Variants in SLC66A2 observed in about 807,000 individuals in gnomAD.
The protein encoded by SLC66A2 is PQ loop repeat containing 1.
Under a neutral mutation model 25.5 loss-of-function variants are expected in SLC66A2, and 23 were observed. The ratio of observed to expected loss-of-function variants is 0.90; its 90% CI spans 0.65 to 1.28. SLC66A2 has a LOEUF of 1.28. Ranked by LOEUF, SLC66A2 falls within the 50% of genes most tolerant of loss-of-function variation. SLC66A2 has a pLI of 0.00. For synonymous variants in SLC66A2, 193 were observed against 166.5 expected, an observed-to-expected ratio of 1.16 and a Z score of -1.23; for missense variants, 396 against 373.1, an observed-to-expected ratio of 1.06 and a Z score of -0.51.
At position 79,902,807 on chromosome 18, in the gene SLC66A2, C is replaced by G. The variant is rs941850253; in HGVS notation, c.*1169G>C. The G allele has an allele frequency of 6.6e-6, 1 of 152,560 alleles. No individual in the cohort carries two copies. Among genetic ancestry groups the G allele is most frequent in the East Asian group, 1.9e-4 (1 of 5,196 alleles). 9.5% of individuals were successfully genotyped at this position (152,560 alleles called of 1,614,324 possible). A position where few individuals can be genotyped will look rare whatever the true frequency, so the allele number is the denominator to read the frequency against. ...GGGGCCGGCTGCGGTCAGTGCAAGGCTGCTGACATGGTGTGACCTCTTGCA... is the reference window on the plus strand; with the variant it reads ...GGGGCCGGCTGCGGTCAGTGCAAGGGTGCTGACATGGTGTGACCTCTTGCA... On this transcript the variant is annotated 3_prime_UTR_variant, in exon 6 of 6. Coordinates refer to ENST00000397778, the MANE Select transcript of SLC66A2 (RefSeq NM_025078.5).
At chr18:79,906,055 G>A (rs910686739) in intron 5 of SLC66A2, among the ~76,000 whole-genome samples, 3 of 152,174 alleles carry the variant, frequency 2.0e-5, no homozygotes, top group African/African-American at 7.2e-5. Context: ...AAATGTATGG[G>A]CATGAGGTTG....
rs190400986 is a variant in SLC66A2 at position 79,919,061 on chromosome 18, C to T, written c.608+123G>A. On this transcript the variant is annotated intron_variant, in intron 5 of 5. Transcript: ENST00000397778. ...TATAAACCTGCTATTCTTTAACCGG[C>T]AGCTTCACAGGTCAACGTGGGAAAT... 180 of 873,518 alleles carry T rather than the reference C, an allele frequency of 2.1e-4. 1 individual carries two copies. The highest frequency in any genetic ancestry group is 2.9e-4 in the Non-Finnish European group (164 of 562,364). The allele number at this position is 873,518 out of a possible 1,614,324, so 54.1% of individuals were successfully genotyped here.
intron 4 of SLC66A2, among the ~76,000 whole-genome samples, chr18:79,933,317 C>T (rs1986754298): frequency 6.6e-6 from 1 of 152,112 alleles, no homozygotes; most frequent in Admixed American, 6.5e-5. Context: ...ATGGAAAATC[C>T]ATTAACTAAC....
At chr18:79,922,940 CA>C (rs1223550198) in intron 4 of SLC66A2, among the ~76,000 whole-genome samples, 1 of 151,462 alleles carries the variant, frequency 6.6e-6, no homozygotes, top group Admixed American at 6.6e-5. Flanking sequence ...GCAGTGAGGG[CA>C]GGGGTGGCCA....
rs1476108727 is a variant in SLC66A2, at chr18:79,927,697, G to A, written c.391+6272C>T. ...CCAGTGAGTGGGACAGGCTGAGTGG[G>A]GACTGAGCACGTCTAGGGCCAGAGT... is the stretch of plus-strand genomic sequence containing the variant. On this transcript the variant is annotated intron_variant, in intron 4 of 5. Transcript: ENST00000397778. This position sits in a 1 kb window ranked among gnomAD's most constrained non-coding sequence, Gnocchi z 6.2. 6.6e-6 allele frequency among the ~76,000 whole-genome samples: 1 copy of A among 152,120 alleles called. No individual in the cohort carries two copies. The highest frequency in any genetic ancestry group is 1.5e-5 in the Non-Finnish European group (1 of 68,006).
chr18:79,938,709 C>G (rs918610966), intron 3 of SLC66A2, among the ~76,000 whole-genome samples: 2 of 152,182 alleles, frequency 1.3e-5, no homozygotes, highest in African/African-American at 4.8e-5. Flanking sequence ...TGGAGTCTCA[C>G]CCTGTGGCCC....
intron 5 of SLC66A2, among the ~76,000 whole-genome samples, chr18:79,914,744 C>T (rs1983739992): frequency 6.6e-6 from 1 of 152,254 alleles, no homozygotes; most frequent in South Asian, 2.1e-4. Flanking sequence ...GGAAGGTGGG[C>T]AGGGCCCACA....
intron 2 of SLC66A2, chr18:79,943,800 G>A (rs758953513): frequency 4.0e-4 from 64 of 161,828 alleles, no homozygotes; most frequent in South Asian, 2.1e-3. Context: ...ATCCTGTGTC[G>A]GGAGGGAGGC....
chr18:79,926,598 C>T lies in SLC66A2; in HGVS notation c.392-7198G>A, dbSNP rs549966998. Among the ~76,000 whole-genome samples the T allele has an allele frequency of 5.3e-5, 8 of 152,266 alleles. No individual in the cohort carries two copies. In the South Asian group the frequency reaches 1.7e-3, roughly 32 times the overall value. On this transcript the variant is annotated intron_variant, in intron 4 of 5. Coordinates refer to ENST00000397778, the MANE Select transcript of SLC66A2 (RefSeq NM_025078.5). ...CCCCAGAGCCACAGGGTGCCTTTCA[C>T]CAGGCTACGGAGCCTCCTGGGCCAC...
At chr18:79,909,297 C>T (rs1002658211) in intron 5 of SLC66A2, among the ~76,000 whole-genome samples, 1 of 152,204 alleles carries the variant, frequency 6.6e-6, no homozygotes, top group African/African-American at 2.4e-5. Context: ...TCCACAATGA[C>T]ACTGAGTTCA....
chr18:79,926,614 C>T (rs1450976255), intron 4 of SLC66A2, among the ~76,000 whole-genome samples: 1 of 152,110 alleles, frequency 6.6e-6, no homozygotes, highest in Non-Finnish European at 1.5e-5. Flanking sequence ...TACGGAGCCT[C>T]CTGGGCCACA....
At chr18:79,942,595 C>A (rs1337262349) in intron 3 of SLC66A2, among the ~76,000 whole-genome samples, 1 of 152,150 alleles carries the variant, frequency 6.6e-6, no homozygotes, top group Admixed American at 6.5e-5. Context: ...TCTCTCAAAG[C>A]CAAAGTGAGT....
At position 79,940,357 on chromosome 18, in the gene SLC66A2, C is replaced by T. The variant is rs1987548993; in HGVS notation, c.337+2972G>A. ...GTGGGTCACGCCCGTAATGCCAGCA[C>T]TTCGGGAGGCCAAGGTGGGTGGATC... On this transcript the variant is annotated intron_variant, in intron 3 of 5. Coordinates refer to ENST00000397778, the MANE Select transcript of SLC66A2 (RefSeq NM_025078.5). This position sits in a 1 kb window ranked among gnomAD's most constrained non-coding sequence, Gnocchi z 4.1. Among the ~76,000 whole-genome samples the T allele has an allele frequency of 6.6e-6, 1 of 152,160 alleles. No individual in the cohort carries two copies. The highest frequency in any genetic ancestry group is 2.4e-5 in the African/African-American group (1 of 41,434).
At chr18:79,924,597 TA>T (rs1311382317) in intron 4 of SLC66A2, among the ~76,000 whole-genome samples, 1 of 152,212 alleles carries the variant, frequency 6.6e-6, no homozygotes, top group Non-Finnish European at 1.5e-5. Context: ...TTATGTAAAT[TA>T]TATCTCTAAT....
At position 79,920,210 on chromosome 18, in the gene SLC66A2, T is replaced by G. The variant is rs189439919; in HGVS notation, c.392-810A>C. Among the ~76,000 whole-genome samples, 8 of 2,488 alleles carry G rather than the reference T, an allele frequency of 3.2e-3. 1 individual carries two copies. In the Admixed American group the frequency reaches 0.045, roughly 14 times the overall value. 1.6% of individuals were successfully genotyped at this position (2,488 alleles called of 152,430 possible). ...CAGTGGAGGAGAGACAGGAACCGAG[T>G]GAGAGGTCAAGGTCAGTGAGGAGAG... On this transcript the variant is annotated intron_variant, in intron 4 of 5. Transcript: ENST00000397778.
At chr18:79,935,169 G>T (rs1986955407) in intron 3 of SLC66A2, among the ~76,000 whole-genome samples, 1 of 152,152 alleles carries the variant, frequency 6.6e-6, no homozygotes, top group Non-Finnish European at 1.5e-5. Context: ...GGACTGCTCA[G>T]TCCACACTGT....
At position 79,951,019 on chromosome 18, in the gene SLC66A2, T is replaced by A. The variant is rs1245373057; in HGVS notation, c.-93A>T. 1 of 999,290 alleles carries A rather than the reference T, an allele frequency of 1.0e-6. No individual in the cohort carries two copies. Among genetic ancestry groups the A allele is most frequent in the African/African-American group, 1.7e-5 (1 of 57,804 alleles). The allele number at this position is 999,290 out of a possible 1,614,324, so 61.9% of individuals were successfully genotyped here. On this transcript the variant is annotated 5_prime_UTR_variant, in exon 2 of 6. Coordinates refer to ENST00000397778, the MANE Select transcript of SLC66A2 (RefSeq NM_025078.5). ...CGCCGCTCCGCGCGCTCCTGCGGCC[T>A]CGGGGCCTGCGGGGAGCGGGGAGCT... is the stretch of plus-strand genomic sequence containing the variant.
intron 3 of SLC66A2, among the ~76,000 whole-genome samples, chr18:79,934,492 A>G (rs1317159824): frequency 6.6e-6 from 1 of 152,114 alleles, no homozygotes; most frequent in Admixed American, 6.5e-5. Context: ...TTCAGAGTAC[A>G]CTCTGCTGTA....
chr18:79,947,987 G>A (rs577778092), intron 2 of SLC66A2, among the ~76,000 whole-genome samples: 150 of 152,092 alleles, frequency 9.9e-4, no homozygotes, highest in African/African-American at 3.4e-3. Flanking sequence ...TCAGGCTGGA[G>A]GGACGCCCAG....
Sources: allele counts gnomAD v4.1 joint callset (sites outside exome capture counted in the v4.1 genomes callset), GRCh38; gene constraint gnomAD v4.1.1; non-coding constraint Gnocchi (gnomAD v3.1); transcripts MANE v1.5; gene names NCBI Gene and HGNC (gene_info 2026-07-23, HGNC 2026-07-21).